Variants in RARA observed in about 807,000 individuals in gnomAD.
RARA encodes the protein PML-DDX5-RARA fusion.
In RARA, 5 loss-of-function variants were observed where a neutral mutation model predicts 42.8. That is an observed-to-expected ratio of 0.12 (90% CI 0.06 to 0.25). RARA has a LOEUF of 0.25. Ranked by LOEUF, RARA falls within the 10% of genes least tolerant of loss-of-function variation. RARA has a pLI of 1.00. For missense variants in RARA, 402 were observed against 628.7 expected (o/e 0.64, Z 3.86); for synonymous variants, 256 against 259.5 (o/e 0.99, Z 0.13).
chr17:40,334,088 G>A (rs547773456), intron 2 of RARA, among the ~76,000 whole-genome samples: 1 of 152,178 alleles, frequency 6.6e-6, no homozygotes, highest in Non-Finnish European at 1.5e-5. Flanking sequence ...TGGGGGCTGG[G>A]GCCTGGCCCC....
rs748505127 is a variant in RARA, at chr17:40,355,245, G to A, written c.1013-18G>A. The stretch of plus-strand genomic sequence containing the variant: ...AGCTGTGTTCCCAGCTGCTCAGGGG[G>A]TGGTTCTGCTTCCTCAGACCGCCAG... On this transcript the variant is annotated intron_variant, in intron 7 of 8. Coordinates refer to ENST00000254066, the MANE Select transcript of RARA (RefSeq NM_000964.4). The surrounding 1 kb of genome is among the most constrained non-coding windows in gnomAD (Gnocchi z 4.1). 5.8e-6 allele frequency: 9 copies of A among 1,553,912 alleles called. No individual in the cohort carries two copies. Among genetic ancestry groups the A allele is most frequent in the Non-Finnish European group, 7.8e-6 (9 of 1,148,114 alleles).
chr17:40,314,996 G>C (rs1468226759), intron 1 of RARA, among the ~76,000 whole-genome samples: 1 of 151,630 alleles, frequency 6.6e-6, no homozygotes, highest in African/African-American at 2.4e-5. Flanking sequence ...ATCCACTAAG[G>C]GGTGAAGGAA....
chr17:40,331,442 T>C (rs377032005), intron 2 of RARA, 46 bp downstream of exon 2: 14 of 1,579,604 alleles, frequency 8.9e-6, no homozygotes, highest in Non-Finnish European at 1.2e-5. Flanking sequence ...CTGTGGAGGG[T>C]GGCAGGCCTC....
At chr17:40,318,865 T>C (rs1018294541) in intron 1 of RARA, among the ~76,000 whole-genome samples, 4 of 152,134 alleles carry the variant, frequency 2.6e-5, no homozygotes, top group African/African-American at 9.7e-5. Context: ...AGCTGCCCTG[T>C]GGTTTGGGGA....
At chr17:40,341,119 T>A (rs2034019468) in intron 2 of RARA, 1 of 408,938 alleles carries the variant, frequency 2.4e-6, no homozygotes, top group Non-Finnish European at 4.3e-6. Flanking sequence ...TCTAGGGACC[T>A]ACCCAAGCTA....
rs1291309695 is a variant in RARA at position 40,356,397 on chromosome 17, C to T, written c.*171C>T. 1 of 805,002 alleles carries T rather than the reference C, an allele frequency of 1.2e-6. No homozygotes were observed. The highest frequency in any genetic ancestry group is 2.1e-6 in the Non-Finnish European group (1 of 480,182). The allele number at this position is 805,002 out of a possible 1,614,324, so 49.9% of individuals were successfully genotyped here. On this transcript the variant is annotated 3_prime_UTR_variant, in exon 9 of 9. Transcript: ENST00000254066. ...GAGGCAGCGACTCCTTGGACAGAGG[C>T]CTGGGCCCTCAGTGGACTGCCTGCT... is the stretch of plus-strand genomic sequence containing the variant.
intron 2 of RARA, chr17:40,342,011 C>G: frequency 9.2e-7 from 1 of 1,090,372 alleles, no homozygotes; most frequent in Middle Eastern, 4.0e-4. Flanking sequence ...CACATGCCGC[C>G]TCTCCCTCTC....
At chr17:40,348,640 C>G (rs560479516) in intron 3 of RARA, 176 bp downstream of exon 3, 2 of 730,942 alleles carry the variant, frequency 2.7e-6, no homozygotes, top group South Asian at 2.4e-5. Context: ...GGTCCTCCCC[C>G]ATAAATGTGC....
chr17:40,312,473 G>C (rs568360588), intron 1 of RARA, among the ~76,000 whole-genome samples: 1 of 152,372 alleles, frequency 6.6e-6, no homozygotes, highest in East Asian at 1.9e-4. Context: ...AGCTGTGGGC[G>C]AGAAAGGCTG....
At chr17:40,317,808 T>A (rs770071965) in intron 1 of RARA, among the ~76,000 whole-genome samples, 12 of 151,956 alleles carry the variant, frequency 7.9e-5, no homozygotes, top group African/African-American at 1.7e-4. Flanking sequence ...AGAAGAGGAT[T>A]ATAATTATAG....
intron 1 of RARA, among the ~76,000 whole-genome samples, chr17:40,309,939 T>C (rs2033065749): frequency 6.6e-6 from 1 of 151,060 alleles, no homozygotes; most frequent in African/African-American, 2.4e-5. Flanking sequence ...ACCCCACCTG[T>C]GTGTGTGTGT....
Position 40,356,324 on chromosome 17 carries a change from GCCCT to G in RARA, c.*102_*105del. The G allele has an allele frequency of 2.3e-6, 3 of 1,309,438 alleles. No homozygotes were observed. Among genetic ancestry groups the G allele is most frequent in the Non-Finnish European group, 3.2e-6 (3 of 936,842 alleles). The allele number at this position is 1,309,438 out of a possible 1,614,324, so 81.1% of individuals were successfully genotyped here. A position where few individuals can be genotyped will look rare whatever the true frequency, so the allele number is the denominator to read the frequency against. Reference sequence around the variant, plus strand: ...CCCCGCACCAGCCCTGCCCCCACCTGCCCTCCCGGGCAGTACTGGGGACCTTCCC... The same window carrying G: ...CCCCGCACCAGCCCTGCCCCCACCTGCCCGGGCAGTACTGGGGACCTTCCC... On this transcript the variant is annotated 3_prime_UTR_variant, in exon 9 of 9. Transcript: ENST00000254066.
chr17:40,331,123 TG>T lies in RARA; in HGVS notation c.-93del. 7.1e-7 allele frequency: 1 copy of T among 1,398,892 alleles called. No individual in the cohort carries two copies. The highest frequency in any genetic ancestry group is 2.2e-5 in the Admixed American group (1 of 46,244). The allele number at this position is 1,398,892 out of a possible 1,614,324, so 86.7% of individuals were successfully genotyped here. A position where few individuals can be genotyped will look rare whatever the true frequency, so the allele number is the denominator to read the frequency against. ...GTGGGCTGACCACCCAAACCCCATC[TG>T]GGCCCAGGCCCCATGCCCCGAGGAG... On this transcript the variant is annotated 5_prime_UTR_variant, in exon 2 of 9. Transcript: ENST00000254066.
In RARA at chr17:40,345,750, T is replaced by C. The variant is rs546678317; in HGVS notation, c.179-2566T>C. ...GCAGGGATGGGCCAGGCCCGGGCAGTCCCTCCCCCGTTGGTGTCCCTCCCC... is the reference window on the plus strand; with the variant it reads ...GCAGGGATGGGCCAGGCCCGGGCAGCCCCTCCCCCGTTGGTGTCCCTCCCC... On this transcript the variant is annotated intron_variant, in intron 2 of 8. Coordinates refer to ENST00000254066, the MANE Select transcript of RARA (RefSeq NM_000964.4). This position sits in a 1 kb window ranked among gnomAD's most constrained non-coding sequence, Gnocchi z 4.8. Among the ~76,000 whole-genome samples, 7 of 152,242 alleles carry C rather than the reference T, an allele frequency of 4.6e-5. No homozygotes were observed. The highest frequency in any genetic ancestry group is 1.7e-4 in the African/African-American group (7 of 41,540).
chr17:40,321,678 C>T (rs1355458966), intron 1 of RARA, among the ~76,000 whole-genome samples: 2 of 152,198 alleles, frequency 1.3e-5, no homozygotes, highest in African/African-American at 4.8e-5. Flanking sequence ...CCTCCAGGCA[C>T]CACTGTCAGC....
Position 40,331,055 on chromosome 17 carries a change from G to A in RARA, c.-164G>A. The A allele has an allele frequency of 1.3e-6, 1 of 783,118 alleles. No individual in the cohort carries two copies. Among genetic ancestry groups the A allele is most frequent in the African/African-American group, 1.8e-5 (1 of 56,296 alleles). 48.5% of individuals were successfully genotyped at this position (783,118 alleles called of 1,614,324 possible). ...TAGGGTGGGGGCTCCAGGAGACTGA[G>A]ATTAGCCTGCCCTCTTTGGACAGCA... On this transcript the variant is annotated 5_prime_UTR_variant, in exon 2 of 9. Transcript: ENST00000254066.
intron 1 of RARA, among the ~76,000 whole-genome samples, chr17:40,322,569 G>A (rs2033421858): frequency 6.6e-6 from 1 of 152,120 alleles, no homozygotes; most frequent in South Asian, 2.1e-4. Context: ...CCTCCCCCCG[G>A]AGCCTCTGTC....
At chr17:40,314,185 T>TGGGGGGGGGGGGGGGGGGG (rs1567742474) in intron 1 of RARA, among the ~76,000 whole-genome samples, 1 of 27,886 alleles carries the variant, frequency 3.6e-5, no homozygotes, top group African/African-American at 1.4e-4. Context: ...GGTGGAGGGG[T>TGGGGGGGGGGGGGGGGGGG]GGGGTGGGGG....
chr17:40,341,741 C>A (rs962807501), intron 2 of RARA: 7 of 1,290,936 alleles, frequency 5.4e-6, no homozygotes, highest in Middle Eastern at 2.9e-4. Flanking sequence ...ACCGGGACCA[C>A]CCCCCTCTTC....
Sources: gnomAD v4.1 joint callset for allele counts (sites outside exome capture counted in the v4.1 genomes callset) on GRCh38, gnomAD v4.1.1 for gene constraint, Gnocchi (gnomAD v3.1) non-coding constraint, MANE v1.5 for transcripts, NCBI Gene and HGNC (gene_info 2026-07-23, HGNC 2026-07-21) for gene names.